The following MOV10 variants were observed in gnomAD, a reference collection of about 807,000 sequenced individuals.
MOV10 encodes the protein Mov10 RNA helicase, also known as RNA helicase MOV-10.
MOV10 carries 39 observed loss-of-function variants against 108.4 expected under a neutral mutation model. That is an observed-to-expected ratio of 0.36 (90% CI 0.28 to 0.47). MOV10 has a LOEUF of 0.47. Among genes scored for constraint, MOV10 ranks in the 20% least tolerant of loss-of-function variants. The pLI is 1.00. For synonymous variants in MOV10, 490 were observed against 523.1 expected (o/e 0.94, Z 0.86); for missense variants, 952 against 1,297.6 (o/e 0.73, Z 4.09).
chr1:112,693,061 C>T (rs992583785), intron 7 of MOV10, 132 bp downstream of exon 7: 9 of 822,932 alleles, frequency 1.1e-5, no homozygotes, highest in African/African-American at 1.0e-4. Flanking sequence ...CCGCAAGAAG[C>T]AGGGTGGGCA....
intron 2 of MOV10, among the ~76,000 whole-genome samples, chr1:112,676,405 G>A (rs944864917): frequency 7.2e-5 from 11 of 152,170 alleles, no homozygotes; most frequent in African/African-American, 2.7e-4. Flanking sequence ...GTACAACATG[G>A]CTAGGAAACA....
chr1:112,681,366 CGCCT>C (rs780700566), intron 2 of MOV10, among the ~76,000 whole-genome samples: 14 of 152,028 alleles, frequency 9.2e-5, no homozygotes, highest in Non-Finnish European at 1.2e-4. Context: ...TGGTGGCGGG[CGCCT>C]GTAATCCCAG....
intron 14 of MOV10, among the ~76,000 whole-genome samples, chr1:112,697,075 G>C (rs1674170035): frequency 6.6e-6 from 1 of 152,194 alleles, no homozygotes; most frequent in Non-Finnish European, 1.5e-5. Context: ...CTGCATCTTA[G>C]GGGGTGGTCA....
chr1:112,693,280 G>T (rs529503796), intron 7 of MOV10, among the ~76,000 whole-genome samples: 1 of 152,322 alleles, frequency 6.6e-6, no homozygotes, highest in Admixed American at 6.5e-5. Context: ...TTACACACGA[G>T]AATGGATTTC....
At chr1:112,689,685 A>G in intron 4 of MOV10, 35 bp downstream of exon 4, 1 of 1,604,334 alleles carries the variant, frequency 6.2e-7, no homozygotes, top group Non-Finnish European at 8.5e-7. Context: ...GCTGGTGGAC[A>G]GGGGCTTGTC....
intron 14 of MOV10, among the ~76,000 whole-genome samples, chr1:112,697,702 T>C (rs548667315): frequency 6.6e-6 from 1 of 152,338 alleles, no homozygotes; most frequent in African/African-American, 2.4e-5. Flanking sequence ...GAATTTGGTT[T>C]CGTACTGTCC....
At chr1:112,697,622 T>G (rs1674226052) in intron 14 of MOV10, among the ~76,000 whole-genome samples, 1 of 152,218 alleles carries the variant, frequency 6.6e-6, no homozygotes. Flanking sequence ...AAATGTTAGT[T>G]ATTGTGTCAT....
In MOV10 at chr1:112,692,625, A is replaced by G. The variant is rs536112955; in HGVS notation, c.972-136A>G. The G allele has an allele frequency of 5.7e-6, 7 of 1,226,606 alleles. No homozygotes were observed. The East Asian group carries it at 1.8e-4, about 31-fold the overall frequency. The allele number at this position is 1,226,606 out of a possible 1,614,324, so 76.0% of individuals were successfully genotyped here. Reference sequence around the variant, plus strand: ...GCCTCTGACTCTCATCCACTTCTGTATCCCTCTAGTCTTCTCTGCTTTTTG... The same window carrying G: ...GCCTCTGACTCTCATCCACTTCTGTGTCCCTCTAGTCTTCTCTGCTTTTTG... On this transcript the variant is annotated intron_variant, in intron 6 of 20. Coordinates refer to ENST00000369645, the MANE Select transcript of MOV10 (RefSeq NM_001321324.2).
chr1:112,686,154 G>A lies in MOV10; in HGVS notation c.138-2781G>A, dbSNP rs536892783. ...GGAGCCTGGAGCCACTTTTCTTGGA[G>A]GTTGCACTTTGTTTTCTTAGCGTTG... is the stretch of plus-strand genomic sequence containing the variant. On this transcript the variant is annotated intron_variant, in intron 2 of 20. Coordinates refer to ENST00000369645, the MANE Select transcript of MOV10 (RefSeq NM_001321324.2). Among the ~76,000 whole-genome samples, 3 of 152,266 alleles carry A rather than the reference G, an allele frequency of 2.0e-5. No homozygotes were observed. The East Asian group carries it at 5.8e-4, about 29-fold the overall frequency.
Position 112,698,053 on chromosome 1 carries a change from C to G in MOV10, c.2258C>G (p.Ala753Gly), listed in dbSNP as rs773330410. 12 of 1,614,196 alleles carry G rather than the reference C, an allele frequency of 7.4e-6. No homozygotes were observed. The East Asian group carries it at 2.5e-4, about 33-fold the overall frequency. ...NQLYYEGELQ[A>G]CADVVDRERF... is the part of the protein sequence containing the mutation. ...CTCTATTATGAAGGGGAGCTGCAGGCCTGTGCTGATGTCGTGGATCGAGAA... is the reference window on the plus strand; with the variant it reads ...CTCTATTATGAAGGGGAGCTGCAGGGCTGTGCTGATGTCGTGGATCGAGAA... The change falls in exon 15 of 21, where the codon GCC becomes GGC. Residue 753 changes from alanine (A) to glycine (G), a missense_variant. Ala to Gly is a moderately conservative substitution (Grantham distance 60). Coordinates refer to ENST00000369645, the MANE Select transcript of MOV10 (RefSeq NM_001321324.2).
chr1:112,676,025 A>C (rs1217626655), intron 2 of MOV10, among the ~76,000 whole-genome samples: 2 of 152,212 alleles, frequency 1.3e-5, no homozygotes, highest in African/African-American at 4.8e-5. Flanking sequence ...GGGGTGGGGG[A>C]AAAGGGTAGA....
chr1:112,700,713 G>A lies in MOV10; in HGVS notation c.*206G>A. On this transcript the variant is annotated 3_prime_UTR_variant, in exon 21 of 21. Transcript: ENST00000369645. ...GGGGAAGGGGAAGGAAGAAAACTCT[G>A]AAAACAAAATCTTGTTCTATGCAAA... 1 of 1,518,822 alleles carries A rather than the reference G, an allele frequency of 6.6e-7. No homozygotes were observed. Among genetic ancestry groups the A allele is most frequent in the Non-Finnish European group, 8.8e-7 (1 of 1,140,858 alleles). 94.1% of individuals were successfully genotyped at this position (1,518,822 alleles called of 1,614,324 possible).
At chr1:112,698,555 G>C in intron 16 of MOV10, 77 bp downstream of exon 16, 2 of 1,511,472 alleles carry the variant, frequency 1.3e-6, no homozygotes, top group Admixed American at 1.8e-5. Flanking sequence ...CCACTAGGCA[G>C]AGGCTCCAGG....
intron 2 of MOV10, among the ~76,000 whole-genome samples, chr1:112,676,346 T>A (rs1191470224): frequency 6.6e-6 from 1 of 152,180 alleles, no homozygotes; most frequent in Non-Finnish European, 1.5e-5. Flanking sequence ...AGCATTTGCA[T>A]CACATGGTAT....
At chr1:112,693,372 TTTG>T (rs1244828461) in intron 7 of MOV10, among the ~76,000 whole-genome samples, 2 of 152,132 alleles carry the variant, frequency 1.3e-5, no homozygotes, top group East Asian at 1.9e-4. Flanking sequence ...GAACAAGTTT[TTTG>T]TTGTTGTTGT....
At chr1:112,678,320 T>C (rs1672359852) in intron 2 of MOV10, among the ~76,000 whole-genome samples, 1 of 152,134 alleles carries the variant, frequency 6.6e-6, no homozygotes, top group South Asian at 2.1e-4. Flanking sequence ...TGAGAGAAGA[T>C]GATTCTTGCT....
chr1:112,691,181 G>A (rs1162560651), intron 5 of MOV10, among the ~76,000 whole-genome samples: 1 of 152,098 alleles, frequency 6.6e-6, no homozygotes, highest in Non-Finnish European at 1.5e-5. Flanking sequence ...CTCTACTCAG[G>A]AGCTGAGGCA....
At position 112,675,138 on chromosome 1, in the gene MOV10, C is replaced by T. The variant is rs931365868; in HGVS notation, c.137+89C>T. 2.8e-6 allele frequency: 4 copies of T among 1,450,638 alleles called. No homozygotes were observed. The highest frequency in any genetic ancestry group is 5.4e-5 in the East Asian group (2 of 37,110). 89.9% of individuals were successfully genotyped at this position (1,450,638 alleles called of 1,614,324 possible). On this transcript the variant is annotated intron_variant, in intron 2 of 20. Transcript: ENST00000369645. This position sits in a 1 kb window ranked among gnomAD's most constrained non-coding sequence, Gnocchi z 4.7. Reference sequence around the variant, plus strand: ...GAGGGCCACCTTTCCCGCCCCGGGGCGCAGAGGGACGCAGCTCCCCCAGCG... The same window carrying T: ...GAGGGCCACCTTTCCCGCCCCGGGGTGCAGAGGGACGCAGCTCCCCCAGCG...
chr1:112,687,333 C>T (rs1273543060), intron 2 of MOV10, among the ~76,000 whole-genome samples: 1 of 152,154 alleles, frequency 6.6e-6, no homozygotes, highest in African/African-American at 2.4e-5. Flanking sequence ...CAGCAGGCAC[C>T]TGAAAAATAC....
Sources: gnomAD v4.1 joint callset for allele counts (sites outside exome capture counted in the v4.1 genomes callset) on GRCh38, gnomAD v4.1.1 for gene constraint, Gnocchi (gnomAD v3.1) non-coding constraint, MANE v1.5 for transcripts, NCBI Gene and HGNC (gene_info 2026-07-23, HGNC 2026-07-21) for gene names.